The following TRAPPC12 variants were observed in gnomAD, a reference collection of about 807,000 sequenced individuals.
TRAPPC12 encodes the protein TPR repeat protein 15.
TRAPPC12 carries 61 observed loss-of-function variants against 69.2 expected under a neutral mutation model. The ratio of observed to expected loss-of-function variants is 0.88; its 90% CI spans 0.72 to 1.09. The LOEUF is 1.09. Among genes scored for constraint, TRAPPC12 ranks in the 50% least tolerant of loss-of-function variants. The pLI is 0.00. For synonymous variants in TRAPPC12, 469 were observed against 438.9 expected (o/e 1.07, Z -0.86); for missense variants, 1,101 against 1,016.4 (o/e 1.08, Z -1.13).
chr2:3,476,320 A>G (rs1177610068), intron 9 of TRAPPC12, among the ~76,000 whole-genome samples: 1 of 152,196 alleles, frequency 6.6e-6, no homozygotes, highest in East Asian at 1.9e-4. Flanking sequence ...TTCCTACGTT[A>G]GAGAGGAAGG....
chr2:3,479,324 G>C lies in TRAPPC12; in HGVS notation c.2071G>C (p.Glu691Gln), dbSNP rs779320275. 5 of 1,614,104 alleles carry C rather than the reference G, an allele frequency of 3.1e-6. No homozygotes were observed. Among genetic ancestry groups the C allele is most frequent in the Middle Eastern group, 1.6e-4 (1 of 6,084 alleles). ...VQQDPRHYLHESVLFNLTTMY... is the reference protein window; with the variant it reads ...VQQDPRHYLHQSVLFNLTTMY... ...GCAGGACCCCAGGCACTACCTGCAC[G>C]AGAGCGTGCTCTTCAACCTGACCAC... is the stretch of plus-strand genomic sequence containing the variant. The change falls in exon 12 of 12, where the codon GAG (glutamate) becomes CAG (glutamine). Residue 691 changes from glutamate (E) to glutamine (Q), a missense_variant. Transcript: ENST00000324266.
intron 8 of TRAPPC12, among the ~76,000 whole-genome samples, chr2:3,464,635 A>G (rs747223725): frequency 3.3e-5 from 5 of 152,266 alleles, no homozygotes; most frequent in Non-Finnish European, 7.3e-5. Flanking sequence ...CCTGCCGCAC[A>G]CAGCTCGCTC....
At position 3,414,343 on chromosome 2, in the gene TRAPPC12, G is replaced by T. The variant is rs1020380182; in HGVS notation, c.1165-7538G>T. On this transcript the variant is annotated intron_variant, in intron 3 of 11. Coordinates refer to ENST00000324266, the MANE Select transcript of TRAPPC12 (RefSeq NM_016030.6). This position sits in a 1 kb window ranked among gnomAD's most constrained non-coding sequence, Gnocchi z 4.9. The stretch of plus-strand genomic sequence containing the variant: ...ATCTCAGAAGAAATCTCACTTCGTC[G>T]TGTGATCCAGATAAGCATGGCAGTG... 6.6e-6 allele frequency among the ~76,000 whole-genome samples: 1 copy of T among 152,090 alleles called. No homozygotes were observed. Among genetic ancestry groups the T allele is most frequent in the Non-Finnish European group, 1.5e-5 (1 of 68,030 alleles).
intron 3 of TRAPPC12, among the ~76,000 whole-genome samples, chr2:3,409,589 A>C (rs1049099545): frequency 6.6e-6 from 1 of 152,000 alleles, no homozygotes; most frequent in Non-Finnish European, 1.5e-5. Context: ...TTATCTACAG[A>C]TAATTTAAAA....
In TRAPPC12 at chr2:3,479,233, T is replaced by C; in HGVS notation, c.1980T>C (p.Ala660=). Residue 660 remains alanine, a synonymous_variant, in exon 12 of 12, where the codon GCT becomes GCC. Coordinates refer to ENST00000324266, the MANE Select transcript of TRAPPC12 (RefSeq NM_016030.6). ...CTCCTCCCTAGGCCAACAACAACGC[T>C]GCCGTGTGTCTGCTCTACCTGGGCA... ...DPRNAVANNN[A]AVCLLYLGKL... is the part of the protein sequence containing the mutation. 6.2e-7 allele frequency: 1 copy of C among 1,613,722 alleles called. No individual in the cohort carries two copies. Among genetic ancestry groups the C allele is most frequent in the African/African-American group, 1.3e-5 (1 of 75,056 alleles).
chr2:3,398,348 G>T (rs1357040529), intron 2 of TRAPPC12, among the ~76,000 whole-genome samples: 1 of 152,200 alleles, frequency 6.6e-6, no homozygotes, highest in Non-Finnish European at 1.5e-5. Context: ...GAGGGTTCCA[G>T]TTGCTCCACA....
chr2:3,465,609 G>A lies in TRAPPC12; in HGVS notation c.1690G>A (p.Ala564Thr). Residue 564 changes from alanine to threonine, a missense_variant, in exon 9 of 12, where the codon GCC becomes ACC. By Grantham distance (58) the Ala-to-Thr change is moderately conservative (BLOSUM62 0). Coordinates refer to ENST00000324266, the MANE Select transcript of TRAPPC12 (RefSeq NM_016030.6). ...CLLLMKDYVL[A>T]VEAYHSVIKY... ...TTTCTTCCCACAGGATTATGTGCTG[G>A]CCGTGGAGGCGTATCATTCGGTTAT... The A allele has an allele frequency of 6.2e-7, 1 of 1,613,730 alleles. No homozygotes were observed. Among genetic ancestry groups the A allele is most frequent in the Non-Finnish European group, 8.5e-7 (1 of 1,179,598 alleles).
intron 1 of TRAPPC12, among the ~76,000 whole-genome samples, chr2:3,383,599 G>T (rs1351696526): frequency 6.6e-6 from 1 of 151,650 alleles, no homozygotes; most frequent in African/African-American, 2.4e-5. Flanking sequence ...TAGAGACGGG[G>T]TTTTACCATG....
At chr2:3,383,524 G>A (rs910244641) in intron 1 of TRAPPC12, among the ~76,000 whole-genome samples, 11 of 148,754 alleles carry the variant, frequency 7.4e-5, no homozygotes, top group African/African-American at 2.2e-4. Flanking sequence ...TCAGCCTCCC[G>A]AGTAGCAGAG....
At chr2:3,434,523 G>A (rs1009788377) in intron 5 of TRAPPC12, among the ~76,000 whole-genome samples, 5 of 152,316 alleles carry the variant, frequency 3.3e-5, no homozygotes, top group African/African-American at 1.2e-4. Context: ...TCTTCACTTT[G>A]CTCCAGCTAT....
Position 3,479,518 on chromosome 2 carries a change from C to G in TRAPPC12, c.*57C>G, listed in dbSNP as rs1666456244. 5 of 1,591,100 alleles carry G rather than the reference C, an allele frequency of 3.1e-6. No homozygotes were observed. The highest frequency in any genetic ancestry group is 4.3e-6 in the Non-Finnish European group (5 of 1,168,050). The stretch of plus-strand genomic sequence containing the variant: ...GGGTCTTTGAAACTGTGTCTTGAAG[C>G]TAATGTATTAATGTGACATGGAGGA... On this transcript the variant is annotated 3_prime_UTR_variant, in exon 12 of 12. Transcript: ENST00000324266.
At chr2:3,468,279 C>G (rs1665911643) in intron 9 of TRAPPC12, among the ~76,000 whole-genome samples, 1 of 152,010 alleles carries the variant, frequency 6.6e-6, no homozygotes, top group African/African-American at 2.4e-5. Flanking sequence ...AGCAAGCTCT[C>G]CCTTCCCTCT....
chr2:3,471,424 G>A (rs1426692276), intron 9 of TRAPPC12, among the ~76,000 whole-genome samples: 1 of 152,144 alleles, frequency 6.6e-6, no homozygotes, highest in African/African-American at 2.4e-5. Flanking sequence ...CAGCGCACCC[G>A]CCAGACAGGT....
chr2:3,388,716 G>C, intron 2 of TRAPPC12, 46 bp downstream of exon 2: 3 of 1,477,204 alleles, frequency 2.0e-6, no homozygotes, highest in Non-Finnish European at 2.7e-6. Context: ...TCCTCTCTGC[G>C]TCTGTGAGAT....
chr2:3,401,938 C>G, intron 3 of TRAPPC12, 45 bp downstream of exon 3: 1 of 1,238,484 alleles, frequency 8.1e-7, no homozygotes, highest in South Asian at 1.5e-5. Flanking sequence ...TGTGATAAGT[C>G]CTGCCTGCCT....
At chr2:3,460,878 T>G (rs997879327) in intron 8 of TRAPPC12, 1 of 153,202 alleles carries the variant, frequency 6.5e-6, no homozygotes, top group African/African-American at 2.4e-5. Context: ...GCAACGGTGT[T>G]TTTTGGCTCC....
chr2:3,380,340 A>G (rs1280409006), intron 1 of TRAPPC12, among the ~76,000 whole-genome samples: 1 of 152,362 alleles, frequency 6.6e-6, no homozygotes, highest in Non-Finnish European at 1.5e-5. Flanking sequence ...TGAGGCTGCA[A>G]TGCAGTGTAA....
intron 5 of TRAPPC12, 143 bp downstream of exon 5, chr2:3,424,806 C>T: frequency 1.1e-6 from 1 of 912,794 alleles, no homozygotes; most frequent in South Asian, 2.1e-5. Context: ...CAAGCCTTGA[C>T]TTACAGAATG....
At chr2:3,466,758 A>G (rs185115784) in intron 9 of TRAPPC12, among the ~76,000 whole-genome samples, 7 of 152,106 alleles carry the variant, frequency 4.6e-5, no homozygotes, top group African/African-American at 1.7e-4. Context: ...TCACTGAATA[A>G]CCCCAGGCAG....
Sources: allele counts gnomAD v4.1 joint callset (sites outside exome capture counted in the v4.1 genomes callset), GRCh38; gene constraint gnomAD v4.1.1; non-coding constraint Gnocchi (gnomAD v3.1); transcripts MANE v1.5; gene names NCBI Gene and HGNC (gene_info 2026-07-23, HGNC 2026-07-21).